The following LRIF1 variants were observed in gnomAD, a reference collection of about 807,000 sequenced individuals.
The protein encoded by LRIF1 is ligand-dependent nuclear receptor-interacting factor 1.
In LRIF1, 32 loss-of-function variants were observed where a neutral mutation model predicts 52.7. That is an observed-to-expected ratio of 0.61 (90% confidence interval 0.46 to 0.82). LRIF1 has a LOEUF of 0.82. Ranked by LOEUF, LRIF1 falls within the 40% of genes least tolerant of loss-of-function variation. LRIF1 has a pLI of 0.00. For missense variants in LRIF1, 887 were observed against 892.0 expected (o/e 0.99, Z 0.07); for synonymous variants, 323 against 317.4 (o/e 1.02, Z -0.19).
rs563090665 is a variant in LRIF1 at position 110,947,290 on chromosome 1, A to C, written c.*669T>G. On this transcript the variant is annotated 3_prime_UTR_variant, in exon 4 of 4. Transcript: ENST00000369763. ...ATGTACATAGTCCCAAAAAAAAAAA[A>C]AGCAGCATTTGCCTGGGAACACATC... The C allele has an allele frequency of 2.0e-5, 3 of 152,288 alleles. No individual in the cohort carries two copies. In the East Asian group the frequency reaches 5.8e-4, roughly 29 times the overall value. The allele number at this position is 152,288 out of a possible 1,614,324, so 9.4% of individuals were successfully genotyped here.
At chr1:110,924,770 T>G in the LRIF1 span, among the ~76,000 whole-genome samples, 14,010 of 152,200 alleles carry the variant, frequency 0.092, 742 homozygotes, top group African/African-American at 0.15. Flanking sequence ...AGAAAAATTA[T>G]AGCCATTCTC....
chr1:110,912,576 A>G, the LRIF1 span, among the ~76,000 whole-genome samples: 1 of 152,192 alleles, frequency 6.6e-6, no homozygotes, highest in Non-Finnish European at 1.5e-5. Flanking sequence ...AATCCCATTC[A>G]TGATAGCCAC....
chr1:110,953,696 C>A (rs1304234079), intron 1 of LRIF1, among the ~76,000 whole-genome samples: 1 of 152,050 alleles, frequency 6.6e-6, no homozygotes, highest in Admixed American at 6.6e-5. Context: ...AAATACCTTA[C>A]CTTATTTATA....
chr1:110,927,788 C>T, the LRIF1 span, among the ~76,000 whole-genome samples: 9 of 152,110 alleles, frequency 5.9e-5, no homozygotes, highest in African/African-American at 1.9e-4. Flanking sequence ...GTAGTTCACC[C>T]TAGCCAGGCT....
Position 110,951,843 on chromosome 1 carries a change from G to A in LRIF1, c.1041C>T (p.Ser347=), listed in dbSNP as rs1658492527. 3 of 1,613,014 alleles carry A rather than the reference G, an allele frequency of 1.9e-6. No individual in the cohort carries two copies. The highest frequency in any genetic ancestry group is 2.5e-6 in the Non-Finnish European group (3 of 1,179,990). ...LSTIDPSGTR[S]KNMPIKDNAL... is the part of the protein sequence containing the mutation. Reference sequence around the variant, plus strand: ...CATTATCTTTAATAGGCATATTTTTGGATCGCGTCCCACTAGGATCGATGG... The same window carrying A: ...CATTATCTTTAATAGGCATATTTTTAGATCGCGTCCCACTAGGATCGATGG... Residue 347 remains serine (S), a synonymous_variant, in exon 2 of 4, where the codon TCC becomes TCT. Transcript: ENST00000369763.
chr1:110,946,696 G>A (rs180723404), downstream of LRIF1, among the ~76,000 whole-genome samples: 24 of 119,422 alleles, frequency 2.0e-4, no homozygotes, highest in Non-Finnish European at 9.6e-5. Flanking sequence ...TGGCTCTGTC[G>A]CCCAGGCTGT....
At chr1:110,893,234 T>A in the LRIF1 span, among the ~76,000 whole-genome samples, 1 of 152,248 alleles carries the variant, frequency 6.6e-6, no homozygotes, top group Admixed American at 6.5e-5. Flanking sequence ...GGGTTTCTAA[T>A]CACATTGGTT....
the LRIF1 span, among the ~76,000 whole-genome samples, chr1:110,878,231 CAGTT>C: frequency 6.6e-6 from 1 of 152,158 alleles, no homozygotes; most frequent in African/African-American, 2.4e-5. Context: ...TTATGTATCT[CAGTT>C]TGTTTGAGCA....
At chr1:110,920,930 T>C in the LRIF1 span, among the ~76,000 whole-genome samples, 9,593 of 152,070 alleles carry the variant, frequency 0.063, 327 homozygotes, top group East Asian at 0.14. Flanking sequence ...ACCAGCAAAA[T>C]CTAGTTAGGA....
Position 110,952,273 on chromosome 1 carries a change from G to A in LRIF1, c.611C>T (p.Ser204Leu). Residue 204 changes from serine to leucine, a missense_variant, in exon 2 of 4, where the codon TCA becomes TTA. Coordinates refer to ENST00000369763, the MANE Select transcript of LRIF1 (RefSeq NM_018372.4). ...KSVPASSLPPSVQQKILATAT... is the reference protein window; with the variant it reads ...KSVPASSLPPLVQQKILATAT... ...AGTTGCAAGTATCTTTTGCTGCACT[G>A]AAGGAGGCAATGATGACGCTGGTAC... 1 of 1,614,172 alleles carries A rather than the reference G, an allele frequency of 6.2e-7. No individual in the cohort carries two copies. The highest frequency in any genetic ancestry group is 8.5e-7 in the Non-Finnish European group (1 of 1,180,024).
chr1:110,888,786 A>T, the LRIF1 span, among the ~76,000 whole-genome samples: 1 of 152,228 alleles, frequency 6.6e-6, no homozygotes, highest in South Asian at 2.1e-4. Flanking sequence ...CACTTATAGC[A>T]CATAGTAATT....
the LRIF1 span, among the ~76,000 whole-genome samples, chr1:110,915,489 A>AT: frequency 8.4e-3 from 1,085 of 129,136 alleles, 8 homozygotes; most frequent in Non-Finnish European, 0.011. Flanking sequence ...CTCCGTCTCA[A>AT]AAAATAAATA....
chr1:110,945,428 CCT>C (rs1230340553), downstream of LRIF1, among the ~76,000 whole-genome samples: 1 of 151,342 alleles, frequency 6.6e-6, no homozygotes, highest in East Asian at 1.9e-4. Context: ...TCCCTCCCTC[CCT>C]CTCTCCTTCC....
the LRIF1 span, among the ~76,000 whole-genome samples, chr1:110,908,190 A>G: frequency 1.1e-4 from 16 of 152,236 alleles, no homozygotes; most frequent in Non-Finnish European, 1.6e-4. Context: ...GATGTAAAAG[A>G]CAAATATAGA....
the LRIF1 span, among the ~76,000 whole-genome samples, chr1:110,901,786 T>C: frequency 1.3e-5 from 2 of 152,234 alleles, no homozygotes; most frequent in African/African-American, 4.8e-5. Context: ...AGACATTCTC[T>C]TGAGTATCAC....
chr1:110,958,368 G>C (rs1275026989), intron 1 of LRIF1, among the ~76,000 whole-genome samples: 1 of 151,930 alleles, frequency 6.6e-6, no homozygotes, highest in Non-Finnish European at 1.5e-5. Context: ...CTTCCAACTT[G>C]GAATCCCGAA....
At chr1:110,963,514 G>A (rs1273508696) in intron 1 of LRIF1, 107 bp downstream of exon 1, 1 of 873,450 alleles carries the variant, frequency 1.1e-6, no homozygotes, top group Non-Finnish European at 1.7e-6. Context: ...GCACTCTGCG[G>A]GCTCCAACTC....
In LRIF1 at chr1:110,952,322, G is replaced by C. The variant is rs759657413; in HGVS notation, c.562C>G (p.Pro188Ala). 6.2e-7 allele frequency: 1 copy of C among 1,614,140 alleles called. No individual in the cohort carries two copies. Among genetic ancestry groups the C allele is most frequent in the Non-Finnish European group, 8.5e-7 (1 of 1,179,986 alleles). ...ACAGATTTCACTTCAGCATGGGCTG[G>C]AATCTGTAAATGATGCCCAGAAGGC... ...VLPSGHHLQI[P>A]AHAEVKSVPA... is the part of the protein sequence containing the mutation. Residue 188 changes from proline (P) to alanine (A), a missense_variant, in exon 2 of 4, where the codon CCA becomes GCA. Coordinates refer to ENST00000369763, the MANE Select transcript of LRIF1 (RefSeq NM_018372.4).
At chr1:110,957,490 A>AAAAAAAAAAAAAC (rs1658753886) in intron 1 of LRIF1, among the ~76,000 whole-genome samples, 2 of 149,578 alleles carry the variant, frequency 1.3e-5, no homozygotes, top group African/African-American at 2.4e-5. Context: ...AAAAAAAAAA[A>AAAAAAAAAAAAAC]AAGACTGCAA....
Sources: allele counts gnomAD v4.1 joint callset (sites outside exome capture counted in the v4.1 genomes callset), GRCh38; gene constraint gnomAD v4.1.1; transcripts MANE v1.5; gene names NCBI Gene and HGNC (gene_info 2026-07-23, HGNC 2026-07-21).